The following HTT-AS variants were observed in gnomAD, a reference collection of about 807,000 sequenced individuals.
HTT-AS encodes the protein HTT antisense RNA, also known as HTT antisense RNA (head to head).
intron 1 of HTT-AS, among the ~76,000 whole-genome samples, chr4:3,071,735 G>C (rs1458578949): frequency 2.6e-5 from 4 of 152,110 alleles, no homozygotes; most frequent in African/African-American, 4.8e-5. Context: ...GAGATCATTA[G>C]GGTGGGCCAT....
At chr4:3,070,371 A>G (rs1578471249) in intron 1 of HTT-AS, among the ~76,000 whole-genome samples, 1 of 150,986 alleles carries the variant, frequency 6.6e-6, no homozygotes, top group Non-Finnish European at 1.5e-5. Flanking sequence ...GCTCACTGCA[A>G]CCTCCGCCTC....
At chr4:3,052,989 C>T (rs979624979) in intron 2 of HTT-AS, among the ~76,000 whole-genome samples, 3 of 150,972 alleles carry the variant, frequency 2.0e-5, no homozygotes, top group Non-Finnish European at 4.4e-5. Flanking sequence ...AGCAAGACTC[C>T]GTCTCAAAAA....
At chr4:3,073,724 G>A (rs1712263624) in intron 1 of HTT-AS, among the ~76,000 whole-genome samples, 1 of 152,342 alleles carries the variant, frequency 6.6e-6, no homozygotes, top group South Asian at 2.1e-4. Context: ...CTCACTGGGG[G>A]TGGGGTGGGG....
chr4:3,063,161 G>T (rs1221980406), exon 2 of HTT-AS, among the ~76,000 whole-genome samples: 1 of 152,176 alleles, frequency 6.6e-6, no homozygotes, highest in Non-Finnish European at 1.5e-5. Flanking sequence ...AGTGGAGAGG[G>T]CTCTCTTTTA....
chr4:3,067,902 A>C (rs547844665), intron 1 of HTT-AS, among the ~76,000 whole-genome samples: 3 of 152,300 alleles, frequency 2.0e-5, no homozygotes, highest in Non-Finnish European at 4.4e-5. Context: ...AAACTACAGA[A>C]AACCAAAGAC....
chr4:3,051,495 G>A (rs920457008), intron 2 of HTT-AS, among the ~76,000 whole-genome samples: 5 of 151,996 alleles, frequency 3.3e-5, no homozygotes, highest in Non-Finnish European at 7.4e-5. Flanking sequence ...TTTATGATGT[G>A]GCTTGGCCCT....
chr4:3,051,830 T>C (rs1358808689), intron 2 of HTT-AS, among the ~76,000 whole-genome samples: 1 of 151,894 alleles, frequency 6.6e-6, no homozygotes, highest in African/African-American at 2.4e-5. Flanking sequence ...CCCCATAAGC[T>C]TGCTCGCCGC....
chr4:3,071,658 G>C (rs61792464), intron 1 of HTT-AS, among the ~76,000 whole-genome samples: 19,491 of 152,054 alleles, frequency 0.13, 2,369 homozygotes, highest in African/African-American at 0.32. Context: ...GATGTCCTAA[G>C]CCCCAGAACC....
At chr4:3,065,771 C>T (rs1712036890) in intron 1 of HTT-AS, among the ~76,000 whole-genome samples, 1 of 152,218 alleles carries the variant, frequency 6.6e-6, no homozygotes, top group Non-Finnish European at 1.5e-5. Context: ...GCGTGGCTGC[C>T]TGGGAGCTTC....
chr4:3,062,844 C>A (rs147725259), exon 2 of HTT-AS, among the ~76,000 whole-genome samples: 162 of 152,076 alleles, frequency 1.1e-3, no homozygotes, highest in African/African-American at 3.8e-3. Context: ...GACTTGAGGG[C>A]CAAGCAGCAT....
chr4:3,072,200 C>T (rs940715201), intron 1 of HTT-AS, among the ~76,000 whole-genome samples: 1 of 152,252 alleles, frequency 6.6e-6, no homozygotes, highest in African/African-American at 2.4e-5. Context: ...GGGAAGGGTC[C>T]CTTTCCAATC....
chr4:3,050,566 G>A (rs999863833), intron 2 of HTT-AS, among the ~76,000 whole-genome samples: 6 of 152,050 alleles, frequency 3.9e-5, no homozygotes, highest in Non-Finnish European at 8.8e-5. Context: ...TTCAGAAACC[G>A]CACCAGCATT....
intron 2 of HTT-AS, among the ~76,000 whole-genome samples, chr4:3,058,966 C>T (rs185025782): frequency 3.9e-4 from 59 of 152,236 alleles, no homozygotes; most frequent in Non-Finnish European, 4.4e-5. Context: ...GCAATACAGC[C>T]GCGTTGGCCT....
chr4:3,059,761 T>G (rs1488873494), intron 2 of HTT-AS, among the ~76,000 whole-genome samples: 4 of 152,014 alleles, frequency 2.6e-5, no homozygotes, highest in Non-Finnish European at 4.4e-5. Flanking sequence ...TTAGTAGAGA[T>G]GGGGTTTCAC....
At position 3,072,252 on chromosome 4, in the gene HTT-AS, G is replaced by T. The variant is rs556632108; in HGVS notation, n.113+2174C>A. Among the ~76,000 whole-genome samples the T allele has an allele frequency of 3.7e-4, 56 of 152,334 alleles. 1 individual carries two copies. Among genetic ancestry groups the T allele is most frequent in the Admixed American group, 3.7e-3 (56 of 15,306 alleles). On this transcript the variant is annotated intron_variant and non_coding_transcript_variant, in intron 1 of 2. Transcript: ENST00000664062. ...GGATCCAGTTCCTCATGGCCTGCTG[G>T]ACTGAGAACCTCAGTTCTCACTGCC... is the stretch of plus-strand genomic sequence containing the variant.
At chr4:3,061,677 C>T (rs536371963) in intron 2 of HTT-AS, among the ~76,000 whole-genome samples, 6 of 116,638 alleles carry the variant, frequency 5.1e-5, no homozygotes, top group Non-Finnish European at 1.1e-4. Flanking sequence ...AGTGAAACTC[C>T]ATCTCAGAAA....
At chr4:3,066,517 G>T (rs1021398816) in intron 1 of HTT-AS, among the ~76,000 whole-genome samples, 4 of 152,126 alleles carry the variant, frequency 2.6e-5, no homozygotes, top group Non-Finnish European at 5.9e-5. Flanking sequence ...TCTAGCGCAT[G>T]CCAAGTTTAG....
intron 2 of HTT-AS, among the ~76,000 whole-genome samples, chr4:3,054,264 GTTGT>G (rs765259527): frequency 7.9e-5 from 12 of 151,590 alleles, no homozygotes; most frequent in Non-Finnish European, 1.5e-4. Context: ...AAAATAACTG[GTTGT>G]TTAAAAAGAG....
At chr4:3,050,702 A>G (rs1186423678) in intron 2 of HTT-AS, among the ~76,000 whole-genome samples, 1 of 152,232 alleles carries the variant, frequency 6.6e-6, no homozygotes, top group Non-Finnish European at 1.5e-5. Context: ...AGACTCAGGC[A>G]TATTAGAATT....
Sources: allele counts gnomAD v4.1 joint callset (sites outside exome capture counted in the v4.1 genomes callset), GRCh38; gene constraint gnomAD v4.1.1; transcripts MANE v1.5; gene names NCBI Gene and HGNC (gene_info 2026-07-23, HGNC 2026-07-21).